The following TUFT1 variants were observed in gnomAD, a reference collection of about 807,000 sequenced individuals.
The protein encoded by TUFT1 is tuftelin.
TUFT1 carries 43 observed loss-of-function variants against 57.8 expected under a neutral mutation model. The observed-to-expected ratio is 0.74, with a 90% CI of 0.58 to 0.96. The LOEUF is 0.96. TUFT1 is among the 40% of genes least tolerant of loss of function. TUFT1 has a pLI of 0.00. For missense variants in TUFT1, 459 were observed against 489.0 expected, an observed-to-expected ratio of 0.94 and a Z score of 0.58; for synonymous variants, 166 against 176.7, an observed-to-expected ratio of 0.94 and a Z score of 0.48.
chr1:151,568,856 G>A (rs574436962), intron 6 of TUFT1, among the ~76,000 whole-genome samples: 2 of 152,354 alleles, frequency 1.3e-5, no homozygotes, highest in South Asian at 2.1e-4. Context: ...AAGGCAGGGT[G>A]TGGTAGGGAG....
At chr1:151,561,598 A>T in intron 1 of TUFT1, 2 of 1,185,990 alleles carry the variant, frequency 1.7e-6, no homozygotes, top group Non-Finnish European at 2.1e-6. Context: ...TTTCACTTGG[A>T]TAATTTCCAT....
intron 1 of TUFT1, among the ~76,000 whole-genome samples, chr1:151,552,707 CAAAAA>C (rs869244649): frequency 2.2e-3 from 117 of 53,466 alleles, no homozygotes; most frequent in East Asian, 0.016. Context: ...GACTCTGTCT[CAAAAA>C]AAAAAAAAAA....
chr1:151,574,179 C>T (rs549996022), intron 7 of TUFT1, 91 bp from the exon 8 acceptor site: 2 of 1,504,932 alleles, frequency 1.3e-6, no homozygotes, highest in South Asian at 2.7e-5. Context: ...GGCTCCAGAG[C>T]CGCCCAGGTT....
At chr1:151,556,743 A>T (rs1204302285) in intron 1 of TUFT1, among the ~76,000 whole-genome samples, 1 of 152,040 alleles carries the variant, frequency 6.6e-6, no homozygotes, top group African/African-American at 2.4e-5. Context: ...ACCAAGGCAG[A>T]TGGATCACTT....
chr1:151,574,334 A>G lies in TUFT1; in HGVS notation c.659A>G (p.Asp220Gly), dbSNP rs1450000790. Residue 220 changes from aspartate to glycine, a missense_variant, in exon 8 of 13, where the codon GAC (aspartate) becomes GGC (glycine). By Grantham distance (94) the Asp-to-Gly change is moderately conservative. Transcript: ENST00000368849. ...QSNVALQREEDRVEQKEAEVG... is the reference protein window; with the variant it reads ...QSNVALQREEGRVEQKEAEVG... ...AATGTGGCCCTTCAGAGAGAGGAGG[A>G]CAGAGTGGAGCAGAAAGAGGCAGAA... 4.3e-6 allele frequency: 7 copies of G among 1,614,148 alleles called. No homozygotes were observed. The highest frequency in any genetic ancestry group is 5.9e-6 in the Non-Finnish European group (7 of 1,180,016).
At chr1:151,558,003 GA>G in intron 1 of TUFT1, 1 of 427,544 alleles carries the variant, frequency 2.3e-6, no homozygotes, top group South Asian at 1.9e-5. Flanking sequence ...AAAAAAAAAA[GA>G]AAACCTAAGA....
In TUFT1 at chr1:151,554,904, A is replaced by G. The variant is rs1189947341; in HGVS notation, c.61-7187A>G. Among the ~76,000 whole-genome samples the G allele has an allele frequency of 3.4e-5, 5 of 148,962 alleles. No homozygotes were observed. In the South Asian group the frequency reaches 1.1e-3, roughly 32 times the overall value. ...TTTTCAGTAGAGACAGGGTTTCAGC[A>G]TGTTGGCCAGGCTGGTCTTGAACTC... On this transcript the variant is annotated intron_variant, in intron 1 of 12. Transcript: ENST00000368849.
At chr1:151,543,653 G>A (rs981286656) in intron 1 of TUFT1, among the ~76,000 whole-genome samples, 4 of 152,160 alleles carry the variant, frequency 2.6e-5, no homozygotes, top group Non-Finnish European at 5.9e-5. Flanking sequence ...CTGGGTAAGT[G>A]GAACGATGGA....
intron 1 of TUFT1, among the ~76,000 whole-genome samples, chr1:151,543,665 G>T (rs908476771): frequency 6.6e-6 from 1 of 152,104 alleles, no homozygotes; most frequent in Non-Finnish European, 1.5e-5. Flanking sequence ...AACGATGGAG[G>T]CTTACTACTA....
chr1:151,569,881 T>A, intron 7 of TUFT1, 111 bp downstream of exon 7: 1 of 880,794 alleles, frequency 1.1e-6, no homozygotes, highest in Non-Finnish European at 1.9e-6. Flanking sequence ...TGCCACAAAC[T>A]GGAAAGGCAA....
intron 9 of TUFT1, among the ~76,000 whole-genome samples, chr1:151,575,549 G>A (rs567295613): frequency 2.6e-5 from 4 of 152,272 alleles, no homozygotes; most frequent in Admixed American, 2.0e-4. Flanking sequence ...TACCTCCAAG[G>A]TGAGAGGGTT....
rs553498148 is a variant in TUFT1, at chr1:151,542,983, C to T, written c.60+2557C>T. Among the ~76,000 whole-genome samples the T allele has an allele frequency of 4.6e-5, 7 of 152,280 alleles. No homozygotes were observed. The East Asian group carries it at 9.6e-4, about 21-fold the overall frequency. The stretch of plus-strand genomic sequence containing the variant: ...TAAATAAATGAACAGATGTTTCTTC[C>T]GGAGTCAGAATGTAGACAGTTGAAC... On this transcript the variant is annotated intron_variant, in intron 1 of 12. Transcript: ENST00000368849.
chr1:151,553,764 C>A (rs1307634746), intron 1 of TUFT1, among the ~76,000 whole-genome samples: 1 of 152,214 alleles, frequency 6.6e-6, no homozygotes, highest in Admixed American at 6.5e-5. Flanking sequence ...GCTGCGCAAT[C>A]CCAGCATCAG....
intron 7 of TUFT1, 45 bp downstream of exon 7, chr1:151,569,815 A>G (rs760017342): frequency 2.1e-6 from 3 of 1,461,406 alleles, no homozygotes; most frequent in Non-Finnish European, 2.9e-6. Context: ...GGGATGGGCT[A>G]CTGAACACAG....
intron 9 of TUFT1, among the ~76,000 whole-genome samples, chr1:151,575,278 GC>G (rs1237766062): frequency 6.6e-6 from 1 of 152,220 alleles, no homozygotes; most frequent in African/African-American, 2.4e-5. Flanking sequence ...GCAAGCAAGA[GC>G]TGGTGGAGCA....
rs1666364988 is a variant in TUFT1 at position 151,574,264 on chromosome 1, T to G, written c.595-6T>G. The stretch of plus-strand genomic sequence containing the variant: ...CCATTTAACATATTCCTGCTCCGTG[T>G]TTTAGGTCACACTCAGCCGGTACCA... On this transcript the variant is annotated splice_polypyrimidine_tract_variant and splice_region_variant and intron_variant, in intron 7 of 12. Coordinates refer to ENST00000368849, the MANE Select transcript of TUFT1 (RefSeq NM_020127.3). 6.2e-7 allele frequency: 1 copy of G among 1,612,624 alleles called. No individual in the cohort carries two copies. Among genetic ancestry groups the G allele is most frequent in the East Asian group, 2.2e-5 (1 of 44,874 alleles).
Position 151,547,239 on chromosome 1 carries a change from G to A in TUFT1, c.60+6813G>A, listed in dbSNP as rs1453564595. On this transcript the variant is annotated intron_variant, in intron 1 of 12. Coordinates refer to ENST00000368849, the MANE Select transcript of TUFT1 (RefSeq NM_020127.3). Reference sequence around the variant, plus strand: ...AATGCTGGGCTTTGCCAGAGAAGGAGGGATCTCCTCTGAGCGAGGAGAGTT... The same window carrying A: ...AATGCTGGGCTTTGCCAGAGAAGGAAGGATCTCCTCTGAGCGAGGAGAGTT... Among the ~76,000 whole-genome samples, 7 of 152,352 alleles carry A rather than the reference G, an allele frequency of 4.6e-5. No individual in the cohort carries two copies. In the East Asian group the frequency reaches 1.3e-3, roughly 29 times the overall value.
chr1:151,574,850 GC>G, intron 8 of TUFT1, 60 bp from the exon 9 acceptor site: 1 of 1,444,790 alleles, frequency 6.9e-7, no homozygotes. Context: ...GCCCATCTTA[GC>G]CCAAACGCAG....
chr1:151,546,912 C>G (rs1665359088), intron 1 of TUFT1, among the ~76,000 whole-genome samples: 1 of 151,560 alleles, frequency 6.6e-6, no homozygotes, highest in Non-Finnish European at 1.5e-5. Flanking sequence ...ATTGCTGGGT[C>G]AGAATATTTG....
Sources: allele counts gnomAD v4.1 joint callset (sites outside exome capture counted in the v4.1 genomes callset), GRCh38; gene constraint gnomAD v4.1.1; transcripts MANE v1.5; gene names NCBI Gene and HGNC (gene_info 2026-07-23, HGNC 2026-07-21).